Variants in KCNG2 observed in about 807,000 individuals in gnomAD.
KCNG2 encodes voltage-gated potassium channel regulatory subunit KCNG2.
KCNG2 carries 7 observed loss-of-function variants against 12.3 expected under a neutral mutation model. The ratio of observed to expected loss-of-function variants is 0.57; its 90% CI spans 0.32 to 1.07. KCNG2 has a LOEUF of 1.07. Ranked by LOEUF, KCNG2 falls within the 50% of genes least tolerant of loss-of-function variation. The pLI, the probability that KCNG2 is intolerant of heterozygous loss-of-function variation, is 0.04. For synonymous variants in KCNG2, 414 were observed against 351.4 expected (o/e 1.18, Z -1.99); for missense variants, 703 against 726.0 (o/e 0.97, Z 0.36).
chr18:79,837,008 G>A (rs1170883538), intron 1 of KCNG2, among the ~76,000 whole-genome samples: 1 of 152,114 alleles, frequency 6.6e-6, no homozygotes, highest in African/African-American at 2.4e-5. Context: ...AAGTCCAAGT[G>A]CAAAGTCTCA....
At chr18:79,813,548 A>G (rs4799088) in intron 1 of KCNG2, among the ~76,000 whole-genome samples, 53,867 of 152,098 alleles carry the variant, frequency 0.35, 10,089 homozygotes, top group South Asian at 0.48. Context: ...TGGGTGGGGT[A>G]GCGTGGAGGG....
At position 79,899,218 on chromosome 18, in the gene KCNG2, T is replaced by TGGGGCTGGCGGC; in HGVS notation, c.804_815dup (p.Leu270_Gly273dup). 1 of 1,602,016 alleles carries TGGGGCTGGCGGC rather than the reference T, an allele frequency of 6.2e-7. No homozygotes were observed. Among genetic ancestry groups the TGGGGCTGGCGGC allele is most frequent in the Non-Finnish European group, 8.5e-7 (1 of 1,179,182 alleles). On this transcript the variant is annotated inframe_insertion, in exon 4 of 4. Coordinates refer to ENST00000316249, the MANE Select transcript of KCNG2 (RefSeq NM_012283.2). ...CTGCCGTTCTACGTGTCGCTGCTGCTGGGGCTGGCGGCAGGCCCGGGCGGG... is the reference window on the plus strand; with the variant it reads ...CTGCCGTTCTACGTGTCGCTGCTGCTGGGGCTGGCGGCGGGGCTGGCGGCAGGCCCGGGCGGG...
chr18:79,853,891 C>G (rs535283593), intron 1 of KCNG2, among the ~76,000 whole-genome samples: 1 of 152,352 alleles, frequency 6.6e-6, no homozygotes, highest in African/African-American at 2.4e-5. Context: ...ACCCTGTGGG[C>G]CTCAGGGCCA....
chr18:79,874,735 C>T (rs892258290), intron 3 of KCNG2, among the ~76,000 whole-genome samples: 1 of 152,216 alleles, frequency 6.6e-6, no homozygotes, highest in African/African-American at 2.4e-5. Context: ...TGCATCTCCG[C>T]TCCCTCCTCT....
rs368974108 is a variant in KCNG2 at position 79,898,959 on chromosome 18, G to C, written c.625-81G>C. 3.3e-5 allele frequency: 37 copies of C among 1,112,564 alleles called. No homozygotes were observed. The East Asian group carries it at 7.6e-4, about 23-fold the overall frequency. 68.9% of individuals were successfully genotyped at this position (1,112,564 alleles called of 1,614,324 possible). A position where few individuals can be genotyped will look rare whatever the true frequency, so the allele number is the denominator to read the frequency against. The stretch of plus-strand genomic sequence containing the variant: ...GAAGGGTGGCCTGGGGGACGCCTCT[G>C]GTCCTGGGAAAGGAAGGGCAAGGCG... On this transcript the variant is annotated intron_variant, in intron 3 of 3. Coordinates refer to ENST00000316249, the MANE Select transcript of KCNG2 (RefSeq NM_012283.2).
intron 1 of KCNG2, among the ~76,000 whole-genome samples, chr18:79,802,313 G>A (rs2087415706): frequency 6.6e-6 from 1 of 152,210 alleles, no homozygotes; most frequent in Non-Finnish European, 1.5e-5. Context: ...GGCGTCTGGG[G>A]ACCCTGGAGC....
chr18:79,866,709 GAAGTCTGTGT>G (rs1979581512), intron 3 of KCNG2, among the ~76,000 whole-genome samples: 1 of 122,286 alleles, frequency 8.2e-6, no homozygotes. Context: ...TGGGTGCTGA[GAAGTCTGTGT>G]GCTGAGAGGT....
At chr18:79,820,335 C>T (rs1477490149) in intron 1 of KCNG2, among the ~76,000 whole-genome samples, 2 of 152,186 alleles carry the variant, frequency 1.3e-5, no homozygotes, top group Non-Finnish European at 2.9e-5. Flanking sequence ...GAGGGAAATG[C>T]TGAGCCAGAT....
chr18:79,840,775 G>T (rs1568252420), intron 1 of KCNG2, among the ~76,000 whole-genome samples: 2 of 152,072 alleles, frequency 1.3e-5, no homozygotes, highest in Non-Finnish European at 2.9e-5. Flanking sequence ...AGAGAACCCA[G>T]AAATAGATCC....
Position 79,874,360 on chromosome 18 carries a change from C to T in KCNG2, c.624+10069C>T, listed in dbSNP as rs143554645. On this transcript the variant is annotated intron_variant, in intron 3 of 3. Coordinates refer to ENST00000316249, the MANE Select transcript of KCNG2 (RefSeq NM_012283.2). ...GGTTCTGTGTCTATCAGGAGCAGCA[C>T]CGTCACAGCGGAGGCGAAGAAAGGA... Among the ~76,000 whole-genome samples, 55 of 152,348 alleles carry T rather than the reference C, an allele frequency of 3.6e-4. 1 individual carries two copies. In the East Asian group the frequency reaches 9.8e-3, roughly 27 times the overall value.
chr18:79,810,965 T>C (rs932997453), intron 1 of KCNG2, among the ~76,000 whole-genome samples: 1 of 152,064 alleles, frequency 6.6e-6, no homozygotes, highest in Non-Finnish European at 1.5e-5. Context: ...GGAAAGGAAA[T>C]TAGGAAGACA....
At chr18:79,888,388 CGGTGGGGCCGGG>C (rs1980613192) in intron 3 of KCNG2, among the ~76,000 whole-genome samples, 1 of 151,468 alleles carries the variant, frequency 6.6e-6, no homozygotes, top group Admixed American at 6.6e-5. Flanking sequence ...CATGAGGCCG[CGGTGGGGCCGGG>C]ACGGCGGCGT....
chr18:79,860,315 G>A (rs1301173470), intron 2 of KCNG2, among the ~76,000 whole-genome samples: 1 of 152,112 alleles, frequency 6.6e-6, no homozygotes, highest in African/African-American at 2.4e-5. Context: ...CTTCAAAAAA[G>A]TTACTGGGAT....
At position 79,801,060 on chromosome 18, in the gene KCNG2, C is replaced by T. The variant is rs541227593; in HGVS notation, c.-115+3046C>T. On this transcript the variant is annotated intron_variant, in intron 1 of 3. Coordinates refer to ENST00000316249, the MANE Select transcript of KCNG2 (RefSeq NM_012283.2). ...CAGACAGCCATGCGGATGTCCGGGG[C>T]GGCCAAGAGATGCCGGGCAGGGCTT... 1.7e-4 allele frequency among the ~76,000 whole-genome samples: 26 copies of T among 152,252 alleles called. No individual in the cohort carries two copies. In the South Asian group the frequency reaches 4.1e-3, roughly 24 times the overall value.
chr18:79,899,561 G>C lies in KCNG2; in HGVS notation c.1146G>C (p.Gly382=), dbSNP rs3744886. 2 of 1,600,452 alleles carry C rather than the reference G, an allele frequency of 1.2e-6. No homozygotes were observed. The highest frequency in any genetic ancestry group is 2.7e-5 in the African/African-American group (2 of 73,474). ...YGDMVPRSLP[G]QVVALSSILS... ...ACATGGTCCCGCGCAGCCTGCCCGG[G>C]CAGGTGGTGGCGCTCAGCAGCATCC... The change falls in exon 4 of 4, where the codon GGG becomes GGC. Residue 382 remains glycine, a synonymous_variant. Transcript: ENST00000316249.
At chr18:79,848,823 G>A (rs1978713349) in intron 1 of KCNG2, among the ~76,000 whole-genome samples, 1 of 152,174 alleles carries the variant, frequency 6.6e-6, no homozygotes. Flanking sequence ...AAGCCAGACT[G>A]CCCGGCTGGA....
intron 1 of KCNG2, among the ~76,000 whole-genome samples, chr18:79,807,811 C>A (rs2087463009): frequency 1.4e-5 from 2 of 146,416 alleles, no homozygotes; most frequent in South Asian, 2.3e-4. Context: ...ACGTTATGGG[C>A]CCAGAGTCCG....
intron 3 of KCNG2, among the ~76,000 whole-genome samples, chr18:79,891,238 A>T (rs529240231): frequency 4.7e-5 from 7 of 148,730 alleles, no homozygotes; most frequent in Middle Eastern, 3.4e-3. Flanking sequence ...TTTATTTTTT[A>T]TTTTTTTTTC....
Position 79,884,566 on chromosome 18 carries a change from G to A in KCNG2, c.625-14474G>A, listed in dbSNP as rs1326206546. Among the ~76,000 whole-genome samples, 2 of 152,100 alleles carry A rather than the reference G, an allele frequency of 1.3e-5. No individual in the cohort carries two copies. The highest frequency in any genetic ancestry group is 6.5e-5 in the Admixed American group (1 of 15,284). ...GCTGGGTCTGGGCCTGGGCCTGGGC[G>A]TGGCAGCTCCCCAGGCCCACGGGGC... On this transcript the variant is annotated intron_variant, in intron 3 of 3. Transcript: ENST00000316249. This position sits in a 1 kb window ranked among gnomAD's most constrained non-coding sequence, Gnocchi z 5.5.
Sources: allele counts gnomAD v4.1 joint callset (sites outside exome capture counted in the v4.1 genomes callset), GRCh38; gene constraint gnomAD v4.1.1; non-coding constraint Gnocchi (gnomAD v3.1); transcripts MANE v1.5; gene names NCBI Gene and HGNC (gene_info 2026-07-23, HGNC 2026-07-21).